Variants in ZZEF1 observed in about 807,000 individuals in gnomAD.
ZZEF1 encodes the protein zinc finger ZZ-type and EF-hand domain-containing protein 1.
A neutral mutation model predicts 342.8 loss-of-function variants in ZZEF1; 157 were observed. That is an observed-to-expected ratio of 0.46 (90% CI 0.40 to 0.52). The LOEUF is 0.52. Ranked by LOEUF, ZZEF1 falls within the 20% of genes least tolerant of loss-of-function variation. The pLI is 0.00. For missense variants in ZZEF1, 3,480 were observed against 3,725.6 expected, an observed-to-expected ratio of 0.93 and a Z score of 1.72; for synonymous variants, 1,505 against 1,429.1, an observed-to-expected ratio of 1.05 and a Z score of -1.20.
In ZZEF1 at chr17:4,025,128, G is replaced by T; in HGVS notation, c.6893-10C>A. On this transcript the variant is annotated splice_polypyrimidine_tract_variant and intron_variant, in intron 42 of 54. Transcript: ENST00000381638. ...AGCTGGTAGTCCTTCACTGAAGGGTGACATCAGGCAGAAAAAGAAAGGCAC... is the reference window on the plus strand; with the variant it reads ...AGCTGGTAGTCCTTCACTGAAGGGTTACATCAGGCAGAAAAAGAAAGGCAC... 1 of 1,613,528 alleles carries T rather than the reference G, an allele frequency of 6.2e-7. No homozygotes were observed. Among genetic ancestry groups the T allele is most frequent in the South Asian group, 1.1e-5 (1 of 91,054 alleles).
chr17:4,122,988 C>T (rs139772280), intron 2 of ZZEF1, among the ~76,000 whole-genome samples: 22,660 of 145,396 alleles, frequency 0.16, 1,922 homozygotes, highest in African/African-American at 0.22. Context: ...GGTGCGATCT[C>T]GGCTCACTGC....
chr17:4,039,351 T>A (rs1311246862), intron 39 of ZZEF1, among the ~76,000 whole-genome samples: 1 of 151,942 alleles, frequency 6.6e-6, no homozygotes, highest in African/African-American at 2.4e-5. Flanking sequence ...GCGCCTGTAA[T>A]CCCAGCTACT....
At chr17:4,032,801 G>C (rs371708632) in intron 41 of ZZEF1, 27 bp downstream of exon 41, 238 of 1,610,080 alleles carry the variant, frequency 1.5e-4, no homozygotes, top group Non-Finnish European at 1.8e-4. Flanking sequence ...GGGGTGACCA[G>C]GCCCTCAGGC....
chr17:4,023,860 A>G (rs1438145422), intron 43 of ZZEF1, among the ~76,000 whole-genome samples: 1 of 152,076 alleles, frequency 6.6e-6, no homozygotes, highest in African/African-American at 2.4e-5. Context: ...GAAAACCCAC[A>G]AACAAACAAA....
At chr17:4,127,269 G>A (rs1597933359) in intron 1 of ZZEF1, among the ~76,000 whole-genome samples, 1 of 152,166 alleles carries the variant, frequency 6.6e-6, no homozygotes, top group Non-Finnish European at 1.5e-5. Flanking sequence ...CTCCCAAAGA[G>A]TTGAGATTAT....
At chr17:4,108,384 C>G (rs2058245442) in intron 6 of ZZEF1, among the ~76,000 whole-genome samples, 1 of 152,146 alleles carries the variant, frequency 6.6e-6, no homozygotes, top group African/African-American at 2.4e-5. Context: ...AATAACTGAC[C>G]TGTAATTTTC....
At chr17:4,086,413 C>A in intron 15 of ZZEF1, 73 bp downstream of exon 15, 1 of 1,523,792 alleles carries the variant, frequency 6.6e-7, no homozygotes, top group African/African-American at 1.4e-5. Context: ...TAGGACAGCC[C>A]TCTTCTCTAT....
intron 17 of ZZEF1, among the ~76,000 whole-genome samples, chr17:4,082,008 C>T (rs559217563): frequency 6.6e-6 from 1 of 152,282 alleles, no homozygotes; most frequent in East Asian, 1.9e-4. Context: ...AGTAATGAAG[C>T]CTGTAGGCCC....
chr17:4,036,056 C>T (rs572483245), intron 39 of ZZEF1, among the ~76,000 whole-genome samples: 26 of 142,218 alleles, frequency 1.8e-4, no homozygotes, highest in African/African-American at 6.4e-4. Context: ...GCCGAGATTG[C>T]ACCACTGCAC....
At chr17:4,059,046 C>T in intron 31 of ZZEF1, 125 bp downstream of exon 31, 2 of 776,320 alleles carry the variant, frequency 2.6e-6, no homozygotes, top group Non-Finnish European at 3.8e-6. Flanking sequence ...TAGGTGGTAA[C>T]ATTAGAGGTT....
intron 46 of ZZEF1, among the ~76,000 whole-genome samples, chr17:4,018,695 CCT>C (rs2144967265): frequency 6.6e-6 from 1 of 152,132 alleles, no homozygotes; most frequent in East Asian, 1.9e-4. Flanking sequence ...TCTAAAGCTC[CCT>C]GAGTTTTAGC....
chr17:4,085,905 T>G, intron 15 of ZZEF1, 102 bp from the exon 16 acceptor site: 2 of 1,433,368 alleles, frequency 1.4e-6, no homozygotes, highest in South Asian at 2.6e-5. Flanking sequence ...ATTTTGTACT[T>G]AATACCAGAG....
chr17:4,082,528 T>C, intron 16 of ZZEF1, 24 bp from the exon 17 acceptor site: 2 of 1,611,310 alleles, frequency 1.2e-6, no homozygotes, highest in Non-Finnish European at 1.7e-6. Flanking sequence ...AGAAATTGTA[T>C]ATTCAGAAAA....
chr17:4,070,932 CA>C lies in ZZEF1; in HGVS notation c.3835-9del. 6.2e-7 allele frequency: 1 copy of C among 1,602,966 alleles called. No homozygotes were observed. On this transcript the variant is annotated splice_polypyrimidine_tract_variant and intron_variant, in intron 25 of 54. Coordinates refer to ENST00000381638, the MANE Select transcript of ZZEF1 (RefSeq NM_015113.4). ...GTCAGGAATGTTCTTAACCTGGAAA[CA>C]AAAAATAAACCCATCACATTTAACA...
At chr17:4,009,520 G>A in intron 53 of ZZEF1, 84 bp downstream of exon 53, 1 of 1,586,246 alleles carries the variant, frequency 6.3e-7, no homozygotes, top group Non-Finnish European at 8.6e-7. Flanking sequence ...AGGCTCGGAT[G>A]AGGCAGCAGC....
At chr17:4,081,341 G>A in intron 18 of ZZEF1, 35 bp downstream of exon 18, 1 of 1,575,702 alleles carries the variant, frequency 6.3e-7, no homozygotes. Context: ...CCACAAGCAT[G>A]AGACAAAGAA....
intron 2 of ZZEF1, among the ~76,000 whole-genome samples, chr17:4,121,623 A>C (rs2058484353): frequency 6.6e-6 from 1 of 152,206 alleles, no homozygotes. Context: ...ACTCTGTCTC[A>C]AAAGAAAAAT....
chr17:4,062,677 TA>T, intron 30 of ZZEF1, 75 bp downstream of exon 30: 2 of 1,422,124 alleles, frequency 1.4e-6, no homozygotes. Flanking sequence ...ATGCTGCTAT[TA>T]ATCAGAGAAG....
intron 24 of ZZEF1, among the ~76,000 whole-genome samples, chr17:4,073,573 C>T (rs2057551644): frequency 6.6e-6 from 1 of 152,088 alleles, no homozygotes; most frequent in African/African-American, 2.4e-5. Flanking sequence ...GTAGCTGAGA[C>T]AAAAGGCATA....
Sources: gnomAD v4.1 joint callset for allele counts (sites outside exome capture counted in the v4.1 genomes callset) on GRCh38, gnomAD v4.1.1 for gene constraint, MANE v1.5 for transcripts, NCBI Gene and HGNC (gene_info 2026-07-23, HGNC 2026-07-21) for gene names.